Variants in PLAAT5 observed in about 807,000 individuals in gnomAD.
The protein encoded by PLAAT5 is Ca(2+)-independent N-acyltransferase.
PLAAT5 carries 27 observed loss-of-function variants against 27.8 expected under a neutral mutation model. That is an observed-to-expected ratio of 0.97 (90% CI 0.72 to 1.34). The LOEUF (loss-of-function observed/expected upper bound fraction) is 1.34. Ranked by LOEUF, PLAAT5 falls within the 40% of genes most tolerant of loss-of-function variation. PLAAT5 has a pLI of 0.00. For synonymous variants in PLAAT5, 125 were observed against 136.1 expected (o/e 0.92, Z 0.57); for missense variants, 368 against 343.8 (o/e 1.07, Z -0.56).
chr11:63,477,801 C>A (rs1369818177), intron 3 of PLAAT5, among the ~76,000 whole-genome samples: 1 of 152,116 alleles, frequency 6.6e-6, no homozygotes, highest in Non-Finnish European at 1.5e-5. Flanking sequence ...CTTCCTAGAT[C>A]GGCATAGCTT....
rs1003143827 is a variant in PLAAT5 at position 63,462,228 on chromosome 11, T to G, written c.*1275A>C. On this transcript the variant is annotated 3_prime_UTR_variant, in exon 6 of 6. Coordinates refer to ENST00000540857, the MANE Select transcript of PLAAT5 (RefSeq NM_001146729.2). ...TTCTGCTTCCAAGGAAGTCTCAACC[T>G]AGACCATATAATGAATAGAGACTGA... 1.3e-5 allele frequency: 2 copies of G among 152,188 alleles called. No homozygotes were observed. Among genetic ancestry groups the G allele is most frequent in the African/African-American group, 2.4e-5 (1 of 41,440 alleles). The allele number at this position is 152,188 out of a possible 1,614,324, so 9.4% of individuals were successfully genotyped here.
At chr11:63,476,906 T>C (rs890352507) in intron 3 of PLAAT5, among the ~76,000 whole-genome samples, 14 of 152,180 alleles carry the variant, frequency 9.2e-5, no homozygotes, top group African/African-American at 3.1e-4. Context: ...ACTAGGTAGT[T>C]GCTGTTGATC....
intron 3 of PLAAT5, among the ~76,000 whole-genome samples, chr11:63,476,955 C>G (rs538592225): frequency 1.2e-4 from 19 of 152,074 alleles, no homozygotes; most frequent in African/African-American, 4.6e-4. Context: ...TTTTTGGTAA[C>G]TCAAATTTGC....
At position 63,466,372 on chromosome 11, in the gene PLAAT5, C is replaced by A. The variant is rs113332830; in HGVS notation, c.455G>T (p.Ser152Ile). The A allele has an allele frequency of 1.2e-6, 2 of 1,613,834 alleles. No homozygotes were observed. Among genetic ancestry groups the A allele is most frequent in the Non-Finnish European group, 1.7e-6 (2 of 1,179,900 alleles). ...AATGCTGCCCACCTCAAACTCCTCACCTGGAGACCAAAGACAAACAAAGGT... is the reference window on the plus strand; with the variant it reads ...AATGCTGCCCACCTCAAACTCCTCAACTGGAGACCAAAGACAAACAAAGGT... ...DDCVVHLAPP[S>I]EEFEVGSITS... The change falls in exon 5 of 6, where the codon AGT becomes ATT. Residue 152 changes from serine to isoleucine, a missense_variant and splice_region_variant. Ser to Ile is a moderately radical substitution (Grantham distance 142). Transcript: ENST00000540857.
chr11:63,465,248 C>T (rs1590603041), intron 5 of PLAAT5, among the ~76,000 whole-genome samples: 1 of 151,794 alleles, frequency 6.6e-6, no homozygotes, highest in Non-Finnish European at 1.5e-5. Flanking sequence ...TACTGCACTC[C>T]AACTTGGGCG....
intron 3 of PLAAT5, among the ~76,000 whole-genome samples, chr11:63,475,779 GT>G (rs2016139016): frequency 6.6e-6 from 1 of 151,632 alleles, no homozygotes; most frequent in Non-Finnish European, 1.5e-5. Context: ...ATTTTTAATA[GT>G]TTTCTTTGTG....
In PLAAT5 at chr11:63,490,226, C is replaced by T. The variant is rs755258057; in HGVS notation, c.239+17G>A. 12 of 1,614,076 alleles carry T rather than the reference C, an allele frequency of 7.4e-6. No individual in the cohort carries two copies. In the African/African-American group the frequency reaches 1.2e-4, roughly 16 times the overall value. ...GATTTCTTCCACCCAAAGACCCCAA[C>T]CTTACAATCTTCTTACCCTTGCTGG... On this transcript the variant is annotated intron_variant, in intron 2 of 5. Coordinates refer to ENST00000540857, the MANE Select transcript of PLAAT5 (RefSeq NM_001146729.2).
At chr11:63,476,489 T>C (rs1261710530) in intron 3 of PLAAT5, among the ~76,000 whole-genome samples, 1 of 152,158 alleles carries the variant, frequency 6.6e-6, no homozygotes, top group South Asian at 2.1e-4. Flanking sequence ...TACAAAATTA[T>C]TGGTTAACAG....
At chr11:63,465,239 A>G (rs964738418) in intron 5 of PLAAT5, among the ~76,000 whole-genome samples, 1 of 152,104 alleles carries the variant, frequency 6.6e-6, no homozygotes, top group Non-Finnish European at 1.5e-5. Context: ...AGATTGCACT[A>G]CTGCACTCCA....
At chr11:63,487,718 A>G (rs2016469209) in intron 3 of PLAAT5, among the ~76,000 whole-genome samples, 1 of 152,238 alleles carries the variant, frequency 6.6e-6, no homozygotes, top group Admixed American at 6.5e-5. Context: ...ATAGTCAAAA[A>G]CTAGTAACAA....
Position 63,466,333 on chromosome 11 carries a change from C to G in PLAAT5, c.494G>C (p.Ser165Thr). 2 of 1,614,122 alleles carry G rather than the reference C, an allele frequency of 1.2e-6. No homozygotes were observed. Among genetic ancestry groups the G allele is most frequent in the Non-Finnish European group, 1.7e-6 (2 of 1,180,024 alleles). Residue 165 changes from serine (S) to threonine (T), a missense_variant, in exon 5 of 6, where the codon AGC (serine) becomes ACC (threonine). Transcript: ENST00000540857. ...ACTGTATTTCACCACGGCCCGATTG[C>G]TAAAGATGGAAGTAATGCTGCCCAC... is the stretch of plus-strand genomic sequence containing the variant. ...FEVGSITSIF[S>T]NRAVVKYSRL...
At chr11:63,472,188 C>G (rs1306404195) in intron 3 of PLAAT5, among the ~76,000 whole-genome samples, 1 of 151,602 alleles carries the variant, frequency 6.6e-6, no homozygotes, top group Non-Finnish European at 1.5e-5. Flanking sequence ...ACACATACCC[C>G]AGAACTTAAA....
Position 63,491,089 on chromosome 11 carries a change from C to T in PLAAT5, c.-55G>A. On this transcript the variant is annotated 5_prime_UTR_variant, in exon 1 of 6. Coordinates refer to ENST00000540857, the MANE Select transcript of PLAAT5 (RefSeq NM_001146729.2). Reference sequence around the variant, plus strand: ...GCCTTGCAGGGGACTACGCCCCTGGCGAGTTCCCAGTCGGCGCGGCCCCTG... The same window carrying T: ...GCCTTGCAGGGGACTACGCCCCTGGTGAGTTCCCAGTCGGCGCGGCCCCTG... 1 of 1,303,396 alleles carries T rather than the reference C, an allele frequency of 7.7e-7. No homozygotes were observed. The highest frequency in any genetic ancestry group is 9.8e-7 in the Non-Finnish European group (1 of 1,015,586). The allele number at this position is 1,303,396 out of a possible 1,614,324, so 80.7% of individuals were successfully genotyped here.
chr11:63,483,970 G>A (rs2120327061), intron 3 of PLAAT5, among the ~76,000 whole-genome samples: 1 of 149,258 alleles, frequency 6.7e-6, no homozygotes, highest in East Asian at 2.0e-4. Flanking sequence ...AGACATGGGA[G>A]ATATTAAAAC....
In PLAAT5 at chr11:63,490,204, T is replaced by A. The variant is rs368842108; in HGVS notation, c.239+39A>T. 4 of 1,613,220 alleles carry A rather than the reference T, an allele frequency of 2.5e-6. No homozygotes were observed. In the African/African-American group the frequency reaches 4.0e-5, roughly 16 times the overall value. ...ATTCCAAGTCAATTCTCCAAAAGATTTCTTCCACCCAAAGACCCCAACCTT... is the reference window on the plus strand; with the variant it reads ...ATTCCAAGTCAATTCTCCAAAAGATATCTTCCACCCAAAGACCCCAACCTT... On this transcript the variant is annotated intron_variant, in intron 2 of 5. Coordinates refer to ENST00000540857, the MANE Select transcript of PLAAT5 (RefSeq NM_001146729.2).
At chr11:63,478,057 G>C (rs555318285) in intron 3 of PLAAT5, among the ~76,000 whole-genome samples, 1 of 152,296 alleles carries the variant, frequency 6.6e-6, no homozygotes. Context: ...TGGCAGGCCT[G>C]TTGGCCTATT....
chr11:63,487,600 A>G (rs1036800422), intron 3 of PLAAT5, among the ~76,000 whole-genome samples: 6 of 152,224 alleles, frequency 3.9e-5, no homozygotes, highest in Non-Finnish European at 8.8e-5. Context: ...TAAATTAAAT[A>G]TACATCTACC....
intron 3 of PLAAT5, among the ~76,000 whole-genome samples, chr11:63,474,057 A>C (rs1267652247): frequency 6.6e-6 from 1 of 152,060 alleles, no homozygotes; most frequent in Non-Finnish European, 1.5e-5. Flanking sequence ...TTCTGGGATA[A>C]ATCTTAGTCA....
At chr11:63,479,035 G>T (rs902203627) in intron 3 of PLAAT5, among the ~76,000 whole-genome samples, 1 of 152,228 alleles carries the variant, frequency 6.6e-6, no homozygotes. Context: ...AAAGCAGAAT[G>T]ATATTGCAGG....
Sources: gnomAD v4.1 joint callset for allele counts (sites outside exome capture counted in the v4.1 genomes callset) on GRCh38, gnomAD v4.1.1 for gene constraint, MANE v1.5 for transcripts, NCBI Gene and HGNC (gene_info 2026-07-23, HGNC 2026-07-21) for gene names.